Variants in MYH10 observed in about 807,000 individuals in gnomAD.
MYH10 encodes the protein myosin heavy chain 10, also known as myosin-10.
A neutral mutation model predicts 257.8 loss-of-function variants in MYH10; 55 were observed. The ratio of observed to expected loss-of-function variants is 0.21; its 90% CI spans 0.17 to 0.27. The LOEUF is 0.27. Ranked by LOEUF, MYH10 falls within the 10% of genes least tolerant of loss-of-function variation. The pLI, the probability that MYH10 is intolerant of heterozygous loss-of-function variation, is 1.00. For synonymous variants in MYH10, 854 were observed against 921.7 expected (o/e 0.93, Z 1.33); for missense variants, 1,631 against 2,500.6 (o/e 0.65, Z 7.42).
chr17:8,608,819 T>C (rs893144583), intron 2 of MYH10, among the ~76,000 whole-genome samples: 1 of 151,274 alleles, frequency 6.6e-6, no homozygotes, highest in African/African-American at 2.5e-5. Flanking sequence ...AATTTTTTTT[T>C]TTTTTTTTTT....
intron 2 of MYH10, among the ~76,000 whole-genome samples, chr17:8,622,635 T>A (rs935052030): frequency 6.6e-6 from 1 of 152,210 alleles, no homozygotes; most frequent in South Asian, 2.1e-4. Context: ...CCCACCTTAT[T>A]ATGCTCCAGA....
intron 2 of MYH10, among the ~76,000 whole-genome samples, chr17:8,617,904 T>C (rs568190196): frequency 1.3e-5 from 2 of 152,344 alleles, no homozygotes; most frequent in South Asian, 4.1e-4. Context: ...GTTTTATAAA[T>C]ATCTATTTAT....
chr17:8,556,588 A>G (rs2082806463), intron 7 of MYH10, among the ~76,000 whole-genome samples: 1 of 152,250 alleles, frequency 6.6e-6, no homozygotes, highest in African/African-American at 2.4e-5. Context: ...GGACAGAAAC[A>G]GGTCAGTGGT....
chr17:8,516,427 C>A (rs2081471164), intron 21 of MYH10, among the ~76,000 whole-genome samples: 1 of 152,182 alleles, frequency 6.6e-6, no homozygotes, highest in Non-Finnish European at 1.5e-5. Flanking sequence ...AAGTTCCAGC[C>A]TACCATATGC....
intron 1 of MYH10, among the ~76,000 whole-genome samples, chr17:8,628,744 A>G (rs1417638302): frequency 6.6e-6 from 1 of 152,214 alleles, no homozygotes; most frequent in African/African-American, 2.4e-5. Context: ...ACTAGGATCC[A>G]ACACCAGGAA....
intron 28 of MYH10, among the ~76,000 whole-genome samples, chr17:8,501,635 A>C (rs1262372904): frequency 1.3e-5 from 2 of 152,208 alleles, no homozygotes; most frequent in African/African-American, 2.4e-5. Context: ...AAATGGCTTA[A>C]GGTTGGGGAG....
At chr17:8,572,618 G>T (rs2083386185) in intron 6 of MYH10, among the ~76,000 whole-genome samples, 1 of 152,076 alleles carries the variant, frequency 6.6e-6, no homozygotes, top group Admixed American at 6.5e-5. Flanking sequence ...CAGAATTCTA[G>T]AACTATTTGG....
rs371237290 is a variant in MYH10 at position 8,497,325 on chromosome 17, CTA to C, written c.3951+1943_3951+1944del. ...TTTCTTACCAATAAGGACTCATCGA[CTA>C]TATTGTTTTTGCTGGTTGCATAGAA... is the stretch of plus-strand genomic sequence containing the variant. On this transcript the variant is annotated intron_variant, in intron 30 of 42. Coordinates refer to ENST00000360416, the MANE Select transcript of MYH10 (RefSeq NM_001256012.3). Among the ~76,000 whole-genome samples, 321 of 152,260 alleles carry C rather than the reference CTA, an allele frequency of 2.1e-3. 2 individuals carry two copies. The highest frequency in any genetic ancestry group is 0.01 in the Middle Eastern group (3 of 294).
intron 17 of MYH10, among the ~76,000 whole-genome samples, chr17:8,526,555 T>C (rs1056676741): frequency 6.6e-6 from 1 of 152,188 alleles, no homozygotes; most frequent in Non-Finnish European, 1.5e-5. Flanking sequence ...AATTTACTAA[T>C]CTATAACAAT....
At chr17:8,618,641 G>T (rs760128870) in intron 2 of MYH10, among the ~76,000 whole-genome samples, 4 of 152,086 alleles carry the variant, frequency 2.6e-5, no homozygotes, top group Admixed American at 2.6e-4. Context: ...TTTACCTTGC[G>T]TATTGAACAA....
At chr17:8,551,149 A>G (rs1358529437) in intron 9 of MYH10, among the ~76,000 whole-genome samples, 4 of 133,526 alleles carry the variant, frequency 3.0e-5, no homozygotes, top group Non-Finnish European at 5.0e-5. Flanking sequence ...AAAAATAAAT[A>G]AATAATAAAT....
intron 4 of MYH10, among the ~76,000 whole-genome samples, chr17:8,577,886 A>G (rs916984541): frequency 6.6e-6 from 1 of 152,128 alleles, no homozygotes; most frequent in African/African-American, 2.4e-5. Flanking sequence ...AATGTTCACG[A>G]CACTCTTTTT....
At chr17:8,572,983 T>C (rs1494963) in intron 6 of MYH10, among the ~76,000 whole-genome samples, 146,868 of 152,298 alleles carry the variant, frequency 0.96, 71,051 homozygotes, top group East Asian at 1. Context: ...AGTGACTATT[T>C]ACTTTTCCTC....
chr17:8,549,120 A>T (rs1444938081), intron 9 of MYH10, among the ~76,000 whole-genome samples: 1 of 152,352 alleles, frequency 6.6e-6, no homozygotes, highest in African/African-American at 2.4e-5. Context: ...TTGTTTTCAG[A>T]TTTAAATATT....
At chr17:8,479,187 T>A (rs1304431234) in intron 40 of MYH10, among the ~76,000 whole-genome samples, 1 of 152,214 alleles carries the variant, frequency 6.6e-6, no homozygotes, top group Non-Finnish European at 1.5e-5. Flanking sequence ...CTTGATAATT[T>A]ACTAATTACC....
At chr17:8,505,961 C>G in intron 27 of MYH10, 1 of 159,546 alleles carries the variant, frequency 6.3e-6, no homozygotes, top group East Asian at 1.8e-4. Flanking sequence ...GCCTGGGTGA[C>G]AGAGTGAGAC....
chr17:8,500,088 A>G (rs1171915031), intron 29 of MYH10, among the ~76,000 whole-genome samples: 1 of 152,242 alleles, frequency 6.6e-6, no homozygotes, highest in Non-Finnish European at 1.5e-5. Context: ...TAAGGAAGGC[A>G]ACTCGTGTAG....
chr17:8,530,833 G>A, intron 16 of MYH10, 148 bp from the exon 17 acceptor site: 1 of 573,542 alleles, frequency 1.7e-6, no homozygotes. Context: ...AAACATGACT[G>A]TTTAGAGAAT....
At chr17:8,603,154 G>T (rs527649831) in intron 3 of MYH10, among the ~76,000 whole-genome samples, 5 of 152,250 alleles carry the variant, frequency 3.3e-5, no homozygotes, top group Admixed American at 3.3e-4. Flanking sequence ...CCTGTCAAGA[G>T]ATTTTTAAAT....
Sources: allele counts gnomAD v4.1 joint callset (sites outside exome capture counted in the v4.1 genomes callset), GRCh38; gene constraint gnomAD v4.1.1; transcripts MANE v1.5; gene names NCBI Gene and HGNC (gene_info 2026-07-23, HGNC 2026-07-21).